The following TLN1 variants were observed in gnomAD, a reference collection of about 807,000 sequenced individuals.
TLN1 encodes the protein talin 1, also known as talin-1.
Under a neutral mutation model 292.3 loss-of-function variants are expected in TLN1, and 56 were observed. The observed-to-expected ratio is 0.19, with a 90% CI of 0.15 to 0.24. The LOEUF is 0.24. TLN1 is among the 10% of genes least tolerant of loss of function. TLN1 has a pLI of 1.00. For missense variants in TLN1, 2,433 were observed against 3,248.2 expected, an observed-to-expected ratio of 0.75 and a Z score of 6.10; for synonymous variants, 1,119 against 1,253.7, an observed-to-expected ratio of 0.89 and a Z score of 2.27.
Position 35,707,149 on chromosome 9 carries a change from G to A in TLN1, c.4878C>T (p.Asp1626=). 5 of 1,610,518 alleles carry A rather than the reference G, an allele frequency of 3.1e-6. No homozygotes were observed. The highest frequency in any genetic ancestry group is 4.2e-6 in the Non-Finnish European group (5 of 1,179,054). The stretch of plus-strand genomic sequence containing the variant: ...CGGCCAGCACCGACCAGCTCGGGGG[G>A]TCCCGGGGATTGACTGCGAGGGCCC... ...TARALAVNPR[D]PPSWSVLAGH... The change falls in exon 37 of 57, where the codon GAC becomes GAT. Residue 1626 remains aspartate (D), a synonymous_variant. Transcript: ENST00000314888. The surrounding 1 kb of genome is among the most constrained non-coding windows in gnomAD (Gnocchi z 5.6).
chr9:35,717,409 C>T lies in TLN1; in HGVS notation c.2195G>A (p.Cys732Tyr). 1 of 1,613,998 alleles carries T rather than the reference C, an allele frequency of 6.2e-7. No homozygotes were observed. The highest frequency in any genetic ancestry group is 8.5e-7 in the Non-Finnish European group (1 of 1,179,912). Residue 732 changes from cysteine to tyrosine, a missense_variant, in exon 19 of 57, where the codon TGC (cysteine) becomes TAC (tyrosine). By Grantham distance (194) the Cys-to-Tyr change is radical. This residue lies in a region of TLN1 where 617 missense variants were observed against 770.6 expected (regional missense o/e 0.80). Coordinates refer to ENST00000314888, the MANE Select transcript of TLN1 (RefSeq NM_006289.4). The surrounding 1 kb of genome is among the most constrained non-coding windows in gnomAD (Gnocchi z 4.7). ...TCCAGCCTCCACCAGTTGCTCTTGG[C>T]AGACAGGTGAGCTGATTGTAGGTGC... The part of the protein sequence containing the change: ...VVAPTISSPV[C>Y]QEQLVEAGRL...
chr9:35,710,551 G>A lies in TLN1; in HGVS notation c.4326+10C>T. The A allele has an allele frequency of 6.2e-7, 1 of 1,609,374 alleles. No individual in the cohort carries two copies. ...GGGGCCATTCAAAGAACCCATCTCA[G>A]GAAAATAACCTGTGCAGCTGCCTCG... On this transcript the variant is annotated intron_variant, in intron 33 of 56. Transcript: ENST00000314888.
chr9:35,705,855 A>T lies in TLN1; in HGVS notation c.5512-4T>A. On this transcript the variant is annotated splice_region_variant and splice_polypyrimidine_tract_variant and intron_variant, in intron 41 of 56. Transcript: ENST00000314888. The stretch of plus-strand genomic sequence containing the variant: ...CACCCATTGGTCCTTCATCTAGCTG[A>T]GGGGGGAGGATAGGGAAAGGGAAAG... 6.2e-7 allele frequency: 1 copy of T among 1,614,084 alleles called. No individual in the cohort carries two copies. Among genetic ancestry groups the T allele is most frequent in the Non-Finnish European group, 8.5e-7 (1 of 1,180,000 alleles).
In TLN1 at chr9:35,719,479, C is replaced by G. The variant is rs745778713; in HGVS notation, c.1687+40G>C. 1 of 1,568,314 alleles carries G rather than the reference C, an allele frequency of 6.4e-7. No homozygotes were observed. Among genetic ancestry groups the G allele is most frequent in the Admixed American group, 1.7e-5 (1 of 59,948 alleles). The stretch of plus-strand genomic sequence containing the variant: ...GCATGCCTGTGCACACTTGCACCCC[C>G]TCTCCCCATCACACACCCGGAAGCT... On this transcript the variant is annotated intron_variant, in intron 15 of 56. Transcript: ENST00000314888. This position sits in a 1 kb window ranked among gnomAD's most constrained non-coding sequence, Gnocchi z 4.6.
intron 25 of TLN1, among the ~76,000 whole-genome samples, 167 bp from the exon 26 acceptor site, chr9:35,713,465 C>A (rs1053050908): frequency 6.6e-6 from 1 of 152,126 alleles, no homozygotes; most frequent in African/African-American, 2.4e-5. Context: ...AGGTGGATCA[C>A]CTGAGGTCAG....
Position 35,724,289 on chromosome 9 carries a change from T to C in TLN1, c.557A>G (p.Glu186Gly). 1 of 1,614,232 alleles carries C rather than the reference T, an allele frequency of 6.2e-7. No homozygotes were observed. Among genetic ancestry groups the C allele is most frequent in the Non-Finnish European group, 8.5e-7 (1 of 1,180,048 alleles). ...HGRTLREQGVEEHETLLLRRK... is the reference protein window; with the variant it reads ...HGRTLREQGVGEHETLLLRRK... ...CCGCAGCAGCAGCGTCTCGTGCTCC[T>C]CTACACCCTGCTCCCTCAGTGTCCG... The change falls in exon 6 of 57, where the codon GAG (glutamate) becomes GGG (glycine). Residue 186 changes from glutamate to glycine, a missense_variant. Physicochemically the swap from Glu to Gly is moderately conservative, Grantham distance 98. Transcript: ENST00000314888. The surrounding 1 kb of genome is among the most constrained non-coding windows in gnomAD (Gnocchi z 4.7).
Position 35,715,163 on chromosome 9 carries a change from C to T in TLN1, c.2650G>A (p.Glu884Lys), listed in dbSNP as rs1194967300. The change falls in exon 21 of 57, where the codon GAG becomes AAG. Residue 884 changes from glutamate (E) to lysine (K), a missense_variant. Glu to Lys is a moderately conservative substitution (Grantham distance 56, BLOSUM62 1). Around this residue, in one of 7 missense-constraint regions of TLN1, gnomAD observed 617 missense variants for 770.6 expected, o/e 0.80. Transcript: ENST00000314888. ...TCCCGCAGCCGCTGCTGCTGCTCCT[C>T]ACTGTCAGGGTGGGCAGCTGCTCCC... ...AKGAAAHPDS[E>K]EQQQRLREAA... is the part of the protein sequence containing the mutation. The T allele has an allele frequency of 1.9e-6, 3 of 1,612,246 alleles. No homozygotes were observed. Among genetic ancestry groups the T allele is most frequent in the South Asian group, 2.2e-5 (2 of 91,062 alleles).
At chr9:35,722,598 G>A (rs768345470) in intron 8 of TLN1, among the ~76,000 whole-genome samples, 13 of 152,146 alleles carry the variant, frequency 8.5e-5, no homozygotes, top group African/African-American at 4.8e-5. Context: ...AGTCCTACAC[G>A]GGGCAAGTAC....
In TLN1 at chr9:35,699,012, A is replaced by AGGAAGG; in HGVS notation, c.6999+14_6999+19dup. ...GACACTGCCATGGTGAGGGTGGAAG[A>AGGAAGG]GGAAGGGAGCAGGACTGACCTTGGG... is the stretch of plus-strand genomic sequence containing the variant. On this transcript the variant is annotated intron_variant, in intron 52 of 56. Coordinates refer to ENST00000314888, the MANE Select transcript of TLN1 (RefSeq NM_006289.4). This position sits in a 1 kb window ranked among gnomAD's most constrained non-coding sequence, Gnocchi z 4.0. 1 of 1,608,520 alleles carries AGGAAGG rather than the reference A, an allele frequency of 6.2e-7. No homozygotes were observed. The highest frequency in any genetic ancestry group is 1.1e-5 in the South Asian group (1 of 90,968).
At chr9:35,709,338 C>CA (rs1476838088) in intron 33 of TLN1, among the ~76,000 whole-genome samples, 26 of 152,032 alleles carry the variant, frequency 1.7e-4, no homozygotes, top group Non-Finnish European at 2.9e-4. Context: ...AAAACAAAAT[C>CA]AAACAAGCCA....
In TLN1 at chr9:35,719,028, G is replaced by T; in HGVS notation, c.1896+46C>A. 6.3e-7 allele frequency: 1 copy of T among 1,599,940 alleles called. No homozygotes were observed. The highest frequency in any genetic ancestry group is 8.5e-7 in the Non-Finnish European group (1 of 1,170,768). ...TGGCTTGGACTGCCCCTTCTCCTTGGGCTTGAACCCTGTCTCCACCCTAAC... is the reference window on the plus strand; with the variant it reads ...TGGCTTGGACTGCCCCTTCTCCTTGTGCTTGAACCCTGTCTCCACCCTAAC... On this transcript the variant is annotated intron_variant, in intron 16 of 56. Coordinates refer to ENST00000314888, the MANE Select transcript of TLN1 (RefSeq NM_006289.4). The surrounding 1 kb of genome is among the most constrained non-coding windows in gnomAD (Gnocchi z 4.6).
At position 35,704,872 on chromosome 9, in the gene TLN1, C is replaced by A; in HGVS notation, c.5734-57G>T. 1 of 1,574,738 alleles carries A rather than the reference C, an allele frequency of 6.4e-7. No individual in the cohort carries two copies. Among genetic ancestry groups the A allele is most frequent in the Non-Finnish European group, 8.7e-7 (1 of 1,155,254 alleles). On this transcript the variant is annotated intron_variant, in intron 43 of 56. Coordinates refer to ENST00000314888, the MANE Select transcript of TLN1 (RefSeq NM_006289.4). This position sits in a 1 kb window ranked among gnomAD's most constrained non-coding sequence, Gnocchi z 6.9. ...ACAAGGGGCACTCAGGGTACCTTCA[C>A]TGTGCTTGGAAAAGTCACTAAGGAC...
chr9:35,710,928 T>C, intron 31 of TLN1, 42 bp from the exon 32 acceptor site: 9 of 1,613,648 alleles, frequency 5.6e-6, no homozygotes, highest in Non-Finnish European at 7.6e-6. Context: ...GACACCTCCC[T>C]CAGGCCCAAA....
chr9:35,720,080 T>C lies in TLN1; in HGVS notation c.1423A>G (p.Ile475Val). Reference sequence around the variant, plus strand: ...CCTCGGTGCATCTGGCCGCTGGTAATCTGCTGCTGGGCAGGGGGCATGCTG... The same window carrying C: ...CCTCGGTGCATCTGGCCGCTGGTAACCTGCTGCTGGGCAGGGGGCATGCTG... ...VGSMPPAQQQITSGQMHRGHM... is the reference protein window; with the variant it reads ...VGSMPPAQQQVTSGQMHRGHM... The change falls in exon 13 of 57, where the codon ATT (isoleucine) becomes GTT (valine). Residue 475 changes from isoleucine to valine, a missense_variant. Physicochemically the swap from Ile to Val is conservative, Grantham distance 29. Transcript: ENST00000314888. 3.7e-6 allele frequency: 6 copies of C among 1,604,246 alleles called. No individual in the cohort carries two copies. Among genetic ancestry groups the C allele is most frequent in the Non-Finnish European group, 5.1e-6 (6 of 1,175,784 alleles).
intron 43 of TLN1, among the ~76,000 whole-genome samples, chr9:35,705,129 A>G (rs978736274): frequency 1.3e-5 from 2 of 152,124 alleles, no homozygotes; most frequent in African/African-American, 4.8e-5. Context: ...TGTGGCCTGT[A>G]TGGGGTTATG....
intron 1 of TLN1, among the ~76,000 whole-genome samples, chr9:35,728,190 T>C (rs976671703): frequency 6.6e-6 from 1 of 152,054 alleles, no homozygotes; most frequent in Non-Finnish European, 1.5e-5. Flanking sequence ...GAATGGAATG[T>C]AAGAGTATTG....
In TLN1 at chr9:35,699,694, A is replaced by G. The variant is rs1825429516; in HGVS notation, c.6769-233T>C. The stretch of plus-strand genomic sequence containing the variant: ...GACAAGGAGCAAGGAGAATGATGAG[A>G]TGAAAGAGGAGACGACGAAAGTAGA... On this transcript the variant is annotated intron_variant, in intron 50 of 56. Transcript: ENST00000314888. This position sits in a 1 kb window ranked among gnomAD's most constrained non-coding sequence, Gnocchi z 4.0. The G allele has an allele frequency of 2.3e-5, 23 of 985,270 alleles. No homozygotes were observed. The highest frequency in any genetic ancestry group is 2.7e-5 in the Non-Finnish European group (22 of 829,926). 61.0% of individuals were successfully genotyped at this position (985,270 alleles called of 1,614,324 possible). A position where few individuals can be genotyped will look rare whatever the true frequency, so the allele number is the denominator to read the frequency against.
Position 35,718,115 on chromosome 9 carries a change from C to G in TLN1, c.1996-329G>C, listed in dbSNP as rs2295796. ...AGGTAGGAGGTATCTCCTGGGATCC[C>G]TCCACCCCCAGCTTCTTTACTCCAC... On this transcript the variant is annotated intron_variant, in intron 17 of 56. Coordinates refer to ENST00000314888, the MANE Select transcript of TLN1 (RefSeq NM_006289.4). Among the ~76,000 whole-genome samples, 1,147 of 152,286 alleles carry G rather than the reference C, an allele frequency of 7.5e-3. 69 individuals are homozygous for G. In the East Asian group the frequency reaches 0.17, roughly 23 times the overall value.
rs1563944800 is a variant in TLN1 at position 35,717,418 on chromosome 9, G to A, written c.2186C>T (p.Ser729Leu). 6.2e-7 allele frequency: 1 copy of A among 1,613,534 alleles called. No individual in the cohort carries two copies. The highest frequency in any genetic ancestry group is 8.5e-7 in the Non-Finnish European group (1 of 1,179,644). The change falls in exon 19 of 57, where the codon TCA becomes TTA. Residue 729 changes from serine (S) to leucine (L), a missense_variant. Coordinates refer to ENST00000314888, the MANE Select transcript of TLN1 (RefSeq NM_006289.4). The surrounding 1 kb of genome is among the most constrained non-coding windows in gnomAD (Gnocchi z 4.7). ...CTKVVAPTIS[S>L]PVCQEQLVEA... is the part of the protein sequence containing the mutation. ...CACCAGTTGCTCTTGGCAGACAGGTGAGCTGATTGTAGGTGCCACCACCTG... is the reference window on the plus strand; with the variant it reads ...CACCAGTTGCTCTTGGCAGACAGGTAAGCTGATTGTAGGTGCCACCACCTG...
Sources: gnomAD v4.1 joint callset for allele counts (sites outside exome capture counted in the v4.1 genomes callset) on GRCh38, gnomAD v4.1.1 for gene constraint, gnomAD v4.1.1 regional missense constraint, Gnocchi (gnomAD v3.1) non-coding constraint, MANE v1.5 for transcripts, NCBI Gene and HGNC (gene_info 2026-07-23, HGNC 2026-07-21) for gene names.